Variants in TAFA2 observed in about 807,000 individuals in gnomAD.
TAFA2 encodes the protein chemokine-like protein TAFA-2.
In TAFA2, 7 loss-of-function variants were observed where a neutral mutation model predicts 18.8. The ratio of observed to expected loss-of-function variants is 0.37; its 90% CI spans 0.21 to 0.70. The LOEUF is 0.70. Ranked by LOEUF, TAFA2 falls within the 30% of genes least tolerant of loss-of-function variation. The probability of loss-of-function intolerance (pLI) is 0.53; values close to 1 mark genes in which losing one functional copy is unlikely to be tolerated. For synonymous variants in TAFA2, 60 were observed against 54.2 expected (o/e 1.11, Z -0.47); for missense variants, 122 against 158.1 (o/e 0.77, Z 1.23).
At chr12:62,011,513 G>A (rs910536795) in intron 1 of TAFA2, among the ~76,000 whole-genome samples, 9 of 152,088 alleles carry the variant, frequency 5.9e-5, no homozygotes, top group Admixed American at 3.9e-4. Context: ...TAAGGGCGGT[G>A]CAAGATGTGC....
chr12:62,091,770 C>T (rs990375308), intron 1 of TAFA2, among the ~76,000 whole-genome samples: 1 of 151,986 alleles, frequency 6.6e-6, no homozygotes, highest in African/African-American at 2.4e-5. Context: ...AGGTAAAGTG[C>T]AAGCTCAATC....
chr12:61,722,421 G>T (rs916432506), intron 4 of TAFA2, among the ~76,000 whole-genome samples: 4 of 152,212 alleles, frequency 2.6e-5, no homozygotes, highest in African/African-American at 9.6e-5. Flanking sequence ...GGCCAGAGTC[G>T]AGTCTAGATG....
At chr12:61,774,140 C>T (rs915360421) in intron 2 of TAFA2, among the ~76,000 whole-genome samples, 14 of 151,598 alleles carry the variant, frequency 9.2e-5, no homozygotes, top group Admixed American at 2.0e-4. Context: ...AAATCAAAAC[C>T]GAGTAGAATG....
chr12:62,208,672 CGATTA>C lies in TAFA2; in HGVS notation c.-130+50086_-130+50090del, dbSNP rs1480623608. On this transcript the variant is annotated intron_variant, in intron 1 of 5. Coordinates refer to the TAFA2 transcript ENST00000551619. Reference sequence around the variant, plus strand: ...ATGAATAGAATAGTCTCAGAAGTACCGATTAGAGGATAGGATTATCAGGATTGAAG... The same window carrying C: ...ATGAATAGAATAGTCTCAGAAGTACCGAGGATAGGATTATCAGGATTGAAG... 2.0e-5 allele frequency among the ~76,000 whole-genome samples: 3 copies of C among 152,122 alleles called. No individual in the cohort carries two copies. The East Asian group carries it at 5.8e-4, about 29-fold the overall frequency.
At chr12:62,224,582 A>G (rs2062778302) in intron 1 of TAFA2, among the ~76,000 whole-genome samples, 1 of 152,126 alleles carries the variant, frequency 6.6e-6, no homozygotes, top group Non-Finnish European at 1.5e-5. Context: ...ATACCATCAC[A>G]TTGAGCATTA....
Position 61,733,539 on chromosome 12 carries a change from C to A in TAFA2, c.384+20083G>T, listed in dbSNP as rs1425348710. On this transcript the variant is annotated intron_variant, in intron 4 of 4. Transcript: ENST00000416284. The stretch of plus-strand genomic sequence containing the variant: ...ATTTATTAAATAGGGAATCCTTTCC[C>A]CATTGCTTGTTTTTGTCAGGTTTGT... Among the ~76,000 whole-genome samples the A allele has an allele frequency of 4.2e-3, 630 of 149,960 alleles. 3 individuals carry two copies. The highest frequency in any genetic ancestry group is 0.015 in the African/African-American group (616 of 40,956).
chr12:61,953,432 G>A (rs1339180976), intron 1 of TAFA2, among the ~76,000 whole-genome samples: 2 of 151,922 alleles, frequency 1.3e-5, no homozygotes, highest in African/African-American at 4.9e-5. Context: ...GGTAATTGCA[G>A]TGAAGTTATA....
At position 62,170,645 on chromosome 12, in the gene TAFA2, G is replaced by A. The variant is rs368062249; in HGVS notation, c.-2+20614C>T. On this transcript the variant is annotated intron_variant, in intron 1 of 4. Coordinates refer to ENST00000416284, the MANE Select transcript of TAFA2 (RefSeq NM_178539.5). ...TTTTTCTATTTGTATCAATTTAAGG[G>A]GTACACATGCAGTTTTTTTACATCG... Among the ~76,000 whole-genome samples, 4 of 151,646 alleles carry A rather than the reference G, an allele frequency of 2.6e-5. No individual in the cohort carries two copies. In the East Asian group the frequency reaches 7.7e-4, roughly 29 times the overall value.
chr12:61,738,320 CACACACACA>C lies in TAFA2; in HGVS notation c.384+15293_384+15301del, dbSNP rs780200793. ...ACACACACACACACACACACACACA[CACACACACA>C]AACCTAGCTCATAAACCCAGGCTAA... On this transcript the variant is annotated intron_variant, in intron 4 of 4. Transcript: ENST00000416284. 8.1e-3 allele frequency among the ~76,000 whole-genome samples: 1,216 copies of C among 149,726 alleles called. 7 individuals are homozygous for C. Among genetic ancestry groups the C allele is most frequent in the Non-Finnish European group, 0.013 (867 of 67,222 alleles).
chr12:61,947,608 G>A (rs1878323319), intron 1 of TAFA2, among the ~76,000 whole-genome samples: 1 of 151,910 alleles, frequency 6.6e-6, no homozygotes, highest in South Asian at 2.1e-4. Context: ...TCAGTTTGTT[G>A]AAAAGCCCAC....
chr12:61,733,651 T>C (rs1379488754), intron 4 of TAFA2, among the ~76,000 whole-genome samples: 2 of 149,096 alleles, frequency 1.3e-5, no homozygotes, highest in African/African-American at 4.9e-5. Flanking sequence ...TTGGTACCAG[T>C]ACCATGCTGT....
chr12:62,079,097 G>A (rs1469544146), intron 1 of TAFA2, among the ~76,000 whole-genome samples: 1 of 152,114 alleles, frequency 6.6e-6, no homozygotes, highest in Non-Finnish European at 1.5e-5. Flanking sequence ...ACGATGCCAT[G>A]TTATCATCTG....
At chr12:62,064,919 T>C (rs1344367530) in intron 1 of TAFA2, among the ~76,000 whole-genome samples, 1 of 152,072 alleles carries the variant, frequency 6.6e-6, no homozygotes, top group Admixed American at 6.6e-5. Context: ...TACCATTTTA[T>C]AAACTAGAGG....
At chr12:62,189,086 T>A (rs1413342557) in intron 1 of TAFA2, among the ~76,000 whole-genome samples, 1 of 152,134 alleles carries the variant, frequency 6.6e-6, no homozygotes, top group Non-Finnish European at 1.5e-5. Context: ...AAATTCTGGG[T>A]TCATCTTTAA....
chr12:62,088,568 A>G (rs1868558262), intron 1 of TAFA2, among the ~76,000 whole-genome samples: 1 of 150,490 alleles, frequency 6.6e-6, no homozygotes, highest in Admixed American at 6.7e-5. Flanking sequence ...AGAGATAGAA[A>G]AGAAGACTCT....
intron 1 of TAFA2, among the ~76,000 whole-genome samples, chr12:62,256,641 G>A (rs2062940506): frequency 6.6e-6 from 1 of 152,146 alleles, no homozygotes; most frequent in African/African-American, 2.4e-5. Flanking sequence ...CAAGTATAGT[G>A]GCTCTTTGTA....
At chr12:62,152,067 A>G (rs2062332339) in intron 1 of TAFA2, among the ~76,000 whole-genome samples, 1 of 152,212 alleles carries the variant, frequency 6.6e-6, no homozygotes, top group South Asian at 2.1e-4. Context: ...TAAAATACAC[A>G]ACAGAATGCT....
chr12:61,867,651 C>T (rs1395508201), intron 1 of TAFA2, among the ~76,000 whole-genome samples: 1 of 152,088 alleles, frequency 6.6e-6, no homozygotes, highest in Non-Finnish European at 1.5e-5. Flanking sequence ...AAAGCCCTGC[C>T]TCAGTCTTCA....
chr12:61,933,091 G>T (rs1375688772), intron 1 of TAFA2, among the ~76,000 whole-genome samples: 1 of 152,090 alleles, frequency 6.6e-6, no homozygotes, highest in Non-Finnish European at 1.5e-5. Flanking sequence ...AGTGAAAAAA[G>T]ACCAAAGGAG....
Sources: gnomAD v4.1 joint callset for allele counts (sites outside exome capture counted in the v4.1 genomes callset) on GRCh38, gnomAD v4.1.1 for gene constraint, MANE v1.5 for transcripts, NCBI Gene and HGNC (gene_info 2026-07-23, HGNC 2026-07-21) for gene names.